Variants in MAP3K5 observed in about 807,000 individuals in gnomAD.
MAP3K5 encodes the protein mitogen-activated protein kinase kinase kinase 5.
In MAP3K5, 56 loss-of-function variants were observed where a neutral mutation model predicts 158.7. That is an observed-to-expected ratio of 0.35 (90% CI 0.28 to 0.44). The LOEUF (loss-of-function observed/expected upper bound fraction) is 0.44. Among genes scored for constraint, MAP3K5 ranks in the 20% least tolerant of loss-of-function variants. The pLI is 1.00. For synonymous variants in MAP3K5, 579 were observed against 601.7 expected, an observed-to-expected ratio of 0.96 and a Z score of 0.55; for missense variants, 1,294 against 1,674.8, an observed-to-expected ratio of 0.77 and a Z score of 3.97.
rs192359444 is a variant in MAP3K5, at chr6:136,600,672, T to C, written c.2878+350A>G. On this transcript the variant is annotated intron_variant, in intron 21 of 29. Transcript: ENST00000359015. ...CCCAAAGATGACAGAGGAAGGTATC[T>C]GGCATTTACATTTTCCACAAGAAAT... 7.2e-5 allele frequency among the ~76,000 whole-genome samples: 11 copies of C among 152,292 alleles called. No individual in the cohort carries two copies. The East Asian group carries it at 2.1e-3, about 29-fold the overall frequency.
Position 136,561,447 on chromosome 6 carries a change from G to A in MAP3K5, c.3987+86C>T, listed in dbSNP as rs1373593456. On this transcript the variant is annotated intron_variant, in intron 28 of 29. Coordinates refer to ENST00000359015, the MANE Select transcript of MAP3K5 (RefSeq NM_005923.4). ...GGCTGGGTCTGATTTGCTCACCAGT[G>A]TATCCCCTGTGCCTGTCACATAGCA... The A allele has an allele frequency of 1.0e-5, 10 of 961,306 alleles. No homozygotes were observed. In the South Asian group the frequency reaches 1.2e-4, roughly 12 times the overall value. 59.5% of individuals were successfully genotyped at this position (961,306 alleles called of 1,614,324 possible). A position where few individuals can be genotyped will look rare whatever the true frequency, so the allele number is the denominator to read the frequency against.
At chr6:136,594,311 G>C (rs1395774226) in intron 21 of MAP3K5, among the ~76,000 whole-genome samples, 3 of 152,180 alleles carry the variant, frequency 2.0e-5, no homozygotes, top group Admixed American at 2.0e-4. Context: ...GGTTGTCTGA[G>C]AGAAGAAAGG....
intron 1 of MAP3K5, among the ~76,000 whole-genome samples, chr6:136,736,648 T>C (rs1349729411): frequency 6.6e-6 from 1 of 152,146 alleles, no homozygotes; most frequent in Non-Finnish European, 1.5e-5. Context: ...TTTCTTCCAA[T>C]TGATTAAATC....
intron 3 of MAP3K5, 72 bp downstream of exon 3, chr6:136,705,037 TA>T: frequency 1.3e-6 from 1 of 747,282 alleles, no homozygotes; most frequent in Non-Finnish European, 2.2e-6. Flanking sequence ...GTGGAGATTT[TA>T]AAAATACCAA....
chr6:136,704,121 T>C (rs1202828569), intron 3 of MAP3K5, among the ~76,000 whole-genome samples: 1 of 152,206 alleles, frequency 6.6e-6, no homozygotes, highest in African/African-American at 2.4e-5. Flanking sequence ...GGGTAGGAAT[T>C]CTGTAGTGTG....
chr6:136,749,864 A>G lies in MAP3K5; in HGVS notation c.449-29275T>C, dbSNP rs111344929. 5.8e-3 allele frequency among the ~76,000 whole-genome samples: 885 copies of G among 152,248 alleles called. 3 individuals are homozygous for G. The highest frequency in any genetic ancestry group is 0.018 in the African/African-American group (759 of 41,540). ...AACCTGGGGCAGGCTGTGCTTTGCA[A>G]CACTCATCCACCCAGTATTTAATGC... On this transcript the variant is annotated intron_variant, in intron 1 of 29. Coordinates refer to ENST00000359015, the MANE Select transcript of MAP3K5 (RefSeq NM_005923.4).
intron 7 of MAP3K5, among the ~76,000 whole-genome samples, chr6:136,680,050 CCACA>C (rs35553089): frequency 6.7e-6 from 1 of 149,120 alleles, no homozygotes; most frequent in African/African-American, 2.5e-5. Context: ...AATAAGCTAG[CCACA>C]CACACACACA....
At chr6:136,727,966 A>T (rs377274959) in intron 1 of MAP3K5, among the ~76,000 whole-genome samples, 1 of 35,170 alleles carries the variant, frequency 2.8e-5, no homozygotes, top group East Asian at 7.1e-4. Flanking sequence ...CGCCTCAAAG[A>T]AAAAAAAAAA....
At chr6:136,608,808 G>C (rs1202786836) in intron 18 of MAP3K5, among the ~76,000 whole-genome samples, 1 of 152,192 alleles carries the variant, frequency 6.6e-6, no homozygotes, top group Admixed American at 6.5e-5. Flanking sequence ...AGGTAACACA[G>C]TAAGCACTCC....
intron 1 of MAP3K5, among the ~76,000 whole-genome samples, chr6:136,721,204 A>G (rs1671906652): frequency 1.3e-5 from 2 of 151,124 alleles, no homozygotes; most frequent in Admixed American, 1.3e-4. Flanking sequence ...CACGTTAACT[A>G]AGGTTCCAAA....
At chr6:136,721,188 T>C (rs1000645494) in intron 1 of MAP3K5, among the ~76,000 whole-genome samples, 1 of 149,424 alleles carries the variant, frequency 6.7e-6, no homozygotes, top group African/African-American at 2.5e-5. Context: ...AATTTCAACA[T>C]TAAAACACGT....
chr6:136,592,527 G>A lies in MAP3K5; in HGVS notation c.2966C>T (p.Thr989Met), dbSNP rs996373392. The stretch of plus-strand genomic sequence containing the variant: ...AGAGAAGGGGTCCACTTTCAACTCC[G>A]TGTCGGGTGAAACTGAGCCGTACTC... The part of the protein sequence containing the change: ...SSEYGSVSPD[T>M]ELKVDPFSFK... The change falls in exon 22 of 30, where the codon ACG (threonine) becomes ATG (methionine). Residue 989 changes from threonine (T) to methionine (M), a missense_variant. By Grantham distance (81) the Thr-to-Met change is moderately conservative. Transcript: ENST00000359015. 14 of 1,610,192 alleles carry A rather than the reference G, an allele frequency of 8.7e-6. No homozygotes were observed. The highest frequency in any genetic ancestry group is 6.6e-5 in the South Asian group (6 of 91,048).
At chr6:136,790,526 G>C (rs4524621) in intron 1 of MAP3K5, among the ~76,000 whole-genome samples, 101,078 of 152,118 alleles carry the variant, frequency 0.66, 33,993 homozygotes, top group African/African-American at 0.77. Flanking sequence ...ATACCAGAAC[G>C]AGAAAGTCCT....
At chr6:136,730,247 C>A (rs1169781923) in intron 1 of MAP3K5, among the ~76,000 whole-genome samples, 4 of 151,628 alleles carry the variant, frequency 2.6e-5, no homozygotes, top group Non-Finnish European at 4.4e-5. Flanking sequence ...GAGCCACCCG[C>A]CTAGGCCTCC....
At position 136,592,524 on chromosome 6, in the gene MAP3K5, T is replaced by A; in HGVS notation, c.2969A>T (p.Glu990Val). Reference protein sequence around the residue: ...SEYGSVSPDTELKVDPFSFKT... With the variant: ...SEYGSVSPDTVLKVDPFSFKT... ...GAAAGAGAAGGGGTCCACTTTCAAC[T>A]CCGTGTCGGGTGAAACTGAGCCGTA... is the stretch of plus-strand genomic sequence containing the variant. Residue 990 changes from glutamate to valine, a missense_variant, in exon 22 of 30, where the codon GAG becomes GTG. By Grantham distance (121) the Glu-to-Val change is moderately radical. Transcript: ENST00000359015. 1 of 1,613,194 alleles carries A rather than the reference T, an allele frequency of 6.2e-7. No homozygotes were observed. The highest frequency in any genetic ancestry group is 1.6e-4 in the Middle Eastern group (1 of 6,062).
At chr6:136,760,207 G>A (rs193055604) in intron 1 of MAP3K5, among the ~76,000 whole-genome samples, 64 of 152,202 alleles carry the variant, frequency 4.2e-4, no homozygotes, top group Admixed American at 1.9e-3. Context: ...TAAACATGCT[G>A]TCTCATGCTT....
rs745715665 is a variant in MAP3K5 at position 136,611,314 on chromosome 6, G to C, written c.2489C>G (p.Ala830Gly). ...AGTTTCAGTACAGGGGTTTATGCCA[G>C]CAAGCCTCTTTGATGTTCCGAAGTC... ...ISDFGTSKRL[A>G]GINPCTETFT... The change falls in exon 18 of 30, where the codon GCT becomes GGT. Residue 830 changes from alanine to glycine, a missense_variant. This residue lies in a region of MAP3K5 where 362 missense variants were observed against 463.2 expected (regional missense o/e 0.78). Transcript: ENST00000359015. The C allele has an allele frequency of 1.9e-6, 3 of 1,612,916 alleles. No individual in the cohort carries two copies. The African/African-American group carries it at 4.0e-5, about 22-fold the overall frequency.
intron 3 of MAP3K5, among the ~76,000 whole-genome samples, chr6:136,704,579 T>A (rs955759184): frequency 6.6e-6 from 1 of 152,222 alleles, no homozygotes; most frequent in African/African-American, 2.4e-5. Context: ...GTAGTCTCAC[T>A]CTGTCACCCA....
intron 1 of MAP3K5, among the ~76,000 whole-genome samples, chr6:136,773,230 CCAG>C (rs1784279955): frequency 6.6e-6 from 1 of 152,340 alleles, no homozygotes. Context: ...GGCATGAATA[CCAG>C]CAGCCAGGCC....
Sources: allele counts gnomAD v4.1 joint callset (sites outside exome capture counted in the v4.1 genomes callset), GRCh38; gene constraint gnomAD v4.1.1; regional missense constraint gnomAD v4.1.1; transcripts MANE v1.5; gene names NCBI Gene and HGNC (gene_info 2026-07-23, HGNC 2026-07-21).